MDGA2: variants seen among roughly 807,000 people sequenced by gnomAD.
MDGA2 encodes MAM domain-containing glycosylphosphatidylinositol anchor protein 2.
MDGA2 carries 40 observed loss-of-function variants against 117.8 expected under a neutral mutation model. The observed-to-expected ratio is 0.34, with a 90% CI of 0.26 to 0.44. The LOEUF is 0.44. MDGA2 is among the 20% of genes least tolerant of loss of function. The pLI is 1.00. For missense variants in MDGA2, 1,123 were observed against 1,250.6 expected (o/e 0.90, Z 1.54); for synonymous variants, 452 against 439.0 (o/e 1.03, Z -0.37).
chr14:47,557,713 G>A lies in MDGA2; in HGVS notation c.280+116804C>T, dbSNP rs578141808. ...CCTGCTATATGGCATCATGTTCTACGTCAGGCACTATAGATATAATGTGAA... is the reference window on the plus strand; with the variant it reads ...CCTGCTATATGGCATCATGTTCTACATCAGGCACTATAGATATAATGTGAA... On this transcript the variant is annotated intron_variant, in intron 1 of 16. Transcript: ENST00000399232. Among the ~76,000 whole-genome samples, 88 of 152,214 alleles carry A rather than the reference G, an allele frequency of 5.8e-4. 1 individual carries two copies. The South Asian group carries it at 6.8e-3, about 12-fold the overall frequency.
At chr14:47,052,397 A>G (rs1328169193) in intron 7 of MDGA2, among the ~76,000 whole-genome samples, 2 of 151,934 alleles carry the variant, frequency 1.3e-5, no homozygotes, top group African/African-American at 2.4e-5. Flanking sequence ...GCACTGTTAA[A>G]TAATAAGTTG....
chr14:47,423,506 G>C (rs1419256567), intron 1 of MDGA2, among the ~76,000 whole-genome samples: 1 of 152,114 alleles, frequency 6.6e-6, no homozygotes, highest in Non-Finnish European at 1.5e-5. Context: ...AGATGACACA[G>C]CTACTAATTG....
intron 5 of MDGA2, among the ~76,000 whole-genome samples, chr14:47,107,793 G>A (rs948474633): frequency 8.0e-5 from 12 of 150,774 alleles, no homozygotes; most frequent in African/African-American, 2.9e-4. Context: ...CAAACAACTT[G>A]ACCTTACTGT....
chr14:47,044,444 C>T (rs1889185968), intron 7 of MDGA2, among the ~76,000 whole-genome samples: 2 of 152,082 alleles, frequency 1.3e-5, no homozygotes, highest in Admixed American at 6.6e-5. Context: ...GGCTAGTTGG[C>T]CCTATGATAG....
At chr14:47,468,095 G>C (rs1021176249) in intron 1 of MDGA2, among the ~76,000 whole-genome samples, 1 of 152,104 alleles carries the variant, frequency 6.6e-6, no homozygotes, top group Non-Finnish European at 1.5e-5. Context: ...ACAGGACAGA[G>C]ACAGCTGAGG....
chr14:47,482,031 T>C (rs766635468), intron 1 of MDGA2, among the ~76,000 whole-genome samples: 3 of 152,000 alleles, frequency 2.0e-5, no homozygotes, highest in Admixed American at 2.0e-4. Context: ...TAGTAAGATA[T>C]TGTAAATAAT....
intron 8 of MDGA2, among the ~76,000 whole-genome samples, chr14:47,026,395 A>AT (rs1888474324): frequency 6.6e-6 from 1 of 152,018 alleles, no homozygotes; most frequent in Admixed American, 6.6e-5. Context: ...CTTTGAATTT[A>AT]TTTTTTTCTA....
chr14:47,455,332 C>T (rs1055272860), intron 1 of MDGA2, among the ~76,000 whole-genome samples: 1 of 151,988 alleles, frequency 6.6e-6, no homozygotes, highest in African/African-American at 2.4e-5. Context: ...ATGGTGAAAC[C>T]CCATCTCCAC....
chr14:47,031,211 A>AATATAT (rs71448159), intron 8 of MDGA2, among the ~76,000 whole-genome samples: 2 of 136,128 alleles, frequency 1.5e-5, no homozygotes, highest in Non-Finnish European at 1.6e-5. Flanking sequence ...ATTATTTAGA[A>AATATAT]ATATATATAT....
intron 1 of MDGA2, among the ~76,000 whole-genome samples, chr14:47,519,804 A>G (rs924902742): frequency 6.6e-6 from 1 of 152,188 alleles, no homozygotes; most frequent in Non-Finnish European, 1.5e-5. Flanking sequence ...CAAATGAGTA[A>G]GGACTATTTT....
At chr14:46,913,293 T>C (rs968361177) in intron 10 of MDGA2, among the ~76,000 whole-genome samples, 2 of 152,162 alleles carry the variant, frequency 1.3e-5, no homozygotes, top group Non-Finnish European at 2.9e-5. Flanking sequence ...TATGGTATTA[T>C]AAGATTAATC....
intron 1 of MDGA2, among the ~76,000 whole-genome samples, chr14:47,371,257 A>G (rs1891352315): frequency 6.6e-6 from 1 of 151,790 alleles, no homozygotes; most frequent in Non-Finnish European, 1.5e-5. Flanking sequence ...AACATAAGCC[A>G]TTTTCAAATG....
intron 1 of MDGA2, among the ~76,000 whole-genome samples, chr14:47,648,652 C>A (rs980701400): frequency 9.9e-5 from 15 of 152,022 alleles, no homozygotes; most frequent in African/African-American, 3.6e-4. Flanking sequence ...CTATGGCAGA[C>A]AGGGGACCAG....
intron 2 of MDGA2, among the ~76,000 whole-genome samples, chr14:47,236,971 A>G (rs992442181): frequency 8.5e-5 from 13 of 152,182 alleles, no homozygotes; most frequent in African/African-American, 3.1e-4. Flanking sequence ...CAAGTTACCT[A>G]TTAATATAAC....
At chr14:47,598,577 C>A (rs561352007) in intron 1 of MDGA2, among the ~76,000 whole-genome samples, 6 of 152,086 alleles carry the variant, frequency 3.9e-5, no homozygotes, top group African/African-American at 1.2e-4. Context: ...CACAAAAGTA[C>A]AAATATTCTG....
At chr14:47,231,966 G>T (rs1886707585) in intron 2 of MDGA2, among the ~76,000 whole-genome samples, 1 of 151,942 alleles carries the variant, frequency 6.6e-6, no homozygotes, top group Admixed American at 6.6e-5. Context: ...GGGTTATGGG[G>T]GTAGATGGAT....
At chr14:47,543,843 T>A (rs1895402789) in intron 1 of MDGA2, among the ~76,000 whole-genome samples, 1 of 152,184 alleles carries the variant, frequency 6.6e-6, no homozygotes, top group South Asian at 2.1e-4. Context: ...GCTTTCTAAG[T>A]ATAAAGAAGA....
rs111806953 is a variant in MDGA2 at position 47,334,544 on chromosome 14, A to G, written c.281-32994T>C. On this transcript the variant is annotated intron_variant, in intron 1 of 16. Coordinates refer to ENST00000399232, the MANE Select transcript of MDGA2 (RefSeq NM_001113498.3). ...ACCATTAGTGGGATAATTTCTTTAA[A>G]CCACATGCAGTGAATAAATAGTGGT... Among the ~76,000 whole-genome samples, 105 of 152,004 alleles carry G rather than the reference A, an allele frequency of 6.9e-4. 2 individuals are homozygous for G. The highest frequency in any genetic ancestry group is 2.0e-3 in the African/African-American group (84 of 41,500).
intron 2 of MDGA2, among the ~76,000 whole-genome samples, chr14:47,232,447 T>C (rs1433094344): frequency 6.6e-6 from 1 of 152,094 alleles, no homozygotes; most frequent in Non-Finnish European, 1.5e-5. Flanking sequence ...CTTTATGTTT[T>C]GTAAGGAATT....
Sources: gnomAD v4.1 joint callset for allele counts (sites outside exome capture counted in the v4.1 genomes callset) on GRCh38, gnomAD v4.1.1 for gene constraint, MANE v1.5 for transcripts, NCBI Gene and HGNC (gene_info 2026-07-23, HGNC 2026-07-21) for gene names.